The following LIMCH1 variants were observed in gnomAD, a reference collection of about 807,000 sequenced individuals.
LIMCH1 encodes the protein LIM and calponin homology domains-containing protein 1.
A neutral mutation model predicts 176.5 loss-of-function variants in LIMCH1; 113 were observed. The observed-to-expected ratio is 0.64, with a 90% CI of 0.55 to 0.75. LIMCH1 has a LOEUF of 0.75. LIMCH1 is among the 30% of genes least tolerant of loss of function. The pLI, the probability that LIMCH1 is intolerant of heterozygous loss-of-function variation, is 0.00. For missense variants in LIMCH1, 1,674 were observed against 1,814.9 expected, an observed-to-expected ratio of 0.92 and a Z score of 1.41; for synonymous variants, 619 against 645.9, an observed-to-expected ratio of 0.96 and a Z score of 0.63.
chr4:41,383,680 A>T (rs1232145804), intron 1 of LIMCH1, among the ~76,000 whole-genome samples: 2 of 152,200 alleles, frequency 1.3e-5, no homozygotes, highest in African/African-American at 2.4e-5. Context: ...TTGTTTAATT[A>T]CTATGACCAG....
Position 41,633,444 on chromosome 4 carries a change from G to C in LIMCH1, c.1830-104G>C, listed in dbSNP as rs147287848. 13 of 1,372,124 alleles carry C rather than the reference G, an allele frequency of 9.5e-6. No individual in the cohort carries two copies. The East Asian group carries it at 3.0e-4, about 32-fold the overall frequency. The allele number at this position is 1,372,124 out of a possible 1,614,324, so 85.0% of individuals were successfully genotyped here. On this transcript the variant is annotated intron_variant, in intron 12 of 31. Coordinates refer to ENST00000503057, the MANE Select transcript of LIMCH1 (RefSeq NM_001330672.2). ...TGCTCTGTGTGCCGCTGCCTCCAGG[G>C]ATGCTGGCTTCTTCTGTCTTGAATT...
At chr4:41,550,772 C>T (rs1386258404) in intron 1 of LIMCH1, among the ~76,000 whole-genome samples, 2 of 152,032 alleles carry the variant, frequency 1.3e-5, no homozygotes, top group Non-Finnish European at 2.9e-5. Context: ...TTAATTGGTA[C>T]TCCTTCTTAT....
At chr4:41,678,026 G>C (rs1712380213) in intron 23 of LIMCH1, among the ~76,000 whole-genome samples, 1 of 151,928 alleles carries the variant, frequency 6.6e-6, no homozygotes, top group Non-Finnish European at 1.5e-5. Context: ...ATGGTGGTTT[G>C]CTGCACCCAC....
chr4:41,595,134 A>G (rs2088499433), intron 1 of LIMCH1, among the ~76,000 whole-genome samples: 1 of 152,150 alleles, frequency 6.6e-6, no homozygotes, highest in Non-Finnish European at 1.5e-5. Context: ...GTGTTTTTGA[A>G]TGTGGTATCC....
rs780080890 is a variant in LIMCH1 at position 41,619,223 on chromosome 4, C to T, written c.241C>T (p.Arg81Trp). The change falls in exon 6 of 32, where the codon CGG becomes TGG. Residue 81 changes from arginine to tryptophan, a missense_variant. Arg to Trp is a moderately radical substitution (Grantham distance 101). Coordinates refer to ENST00000503057, the MANE Select transcript of LIMCH1 (RefSeq NM_001330672.2). ...CGACTCTGAATCCGACTTGCCTCAT[C>T]GGAAGCTGCCAGATGTGAAGAAGGA... ...GSDSESDLPH[R>W]KLPDVKKDDM... The T allele has an allele frequency of 3.7e-6, 6 of 1,614,182 alleles. No individual in the cohort carries two copies. Among genetic ancestry groups the T allele is most frequent in the South Asian group, 1.1e-5 (1 of 91,084 alleles).
intron 2 of LIMCH1, among the ~76,000 whole-genome samples, chr4:41,506,321 T>C (rs2074152079): frequency 6.6e-6 from 1 of 152,204 alleles, no homozygotes; most frequent in African/African-American, 2.4e-5. Flanking sequence ...TGTCATGATT[T>C]CAGCATGAGA....
chr4:41,689,124 C>A (rs570996348), intron 29 of LIMCH1, among the ~76,000 whole-genome samples: 1 of 152,098 alleles, frequency 6.6e-6, no homozygotes, highest in African/African-American at 2.4e-5. Flanking sequence ...ACCAGTGAAC[C>A]ACTTATGGGA....
chr4:41,622,688 T>C (rs748081095), intron 7 of LIMCH1, among the ~76,000 whole-genome samples: 45 of 152,350 alleles, frequency 3.0e-4, no homozygotes, highest in Non-Finnish European at 8.8e-5. Context: ...CCATTCACTG[T>C]ACAAACATCA....
chr4:41,388,147 T>C (rs977700274), intron 1 of LIMCH1, among the ~76,000 whole-genome samples: 1 of 152,168 alleles, frequency 6.6e-6, no homozygotes, highest in African/African-American at 2.4e-5. Context: ...AATTCTACTT[T>C]TAGGTAGCTA....
intron 1 of LIMCH1, among the ~76,000 whole-genome samples, chr4:41,416,884 T>C (rs1372873331): frequency 6.6e-6 from 1 of 152,048 alleles, no homozygotes; most frequent in Admixed American, 6.6e-5. Flanking sequence ...CAGAAAGAAA[T>C]AGGGACTTAC....
rs998636482 is a variant in LIMCH1, at chr4:41,489,964, G to T, written c.97-4572G>T. On this transcript the variant is annotated intron_variant, in intron 1 of 26. Transcript: ENST00000313860. Reference sequence around the variant, plus strand: ...TACTCTTTTAATAAAGTAAGCTAGAGAAAAAATGTTATTAAAAATCATAAG... The same window carrying T: ...TACTCTTTTAATAAAGTAAGCTAGATAAAAAATGTTATTAAAAATCATAAG... Among the ~76,000 whole-genome samples the T allele has an allele frequency of 5.3e-5, 8 of 152,136 alleles. No individual in the cohort carries two copies. The East Asian group carries it at 1.5e-3, about 29-fold the overall frequency.
chr4:41,416,796 A>C lies in LIMCH1; in HGVS notation c.96+55860A>C, dbSNP rs562442132. Among the ~76,000 whole-genome samples, 3 of 152,310 alleles carry C rather than the reference A, an allele frequency of 2.0e-5. No homozygotes were observed. The East Asian group carries it at 5.8e-4, about 29-fold the overall frequency. On this transcript the variant is annotated intron_variant, in intron 1 of 26. Coordinates refer to the LIMCH1 transcript ENST00000313860. ...ATTATGTGCTGTTCTACTGTGAATGAACTGGTCTAGGCAAACCTATCCCCA... is the reference window on the plus strand; with the variant it reads ...ATTATGTGCTGTTCTACTGTGAATGCACTGGTCTAGGCAAACCTATCCCCA...
At chr4:41,651,056 G>A (rs908925046) in intron 18 of LIMCH1, among the ~76,000 whole-genome samples, 3 of 145,858 alleles carry the variant, frequency 2.1e-5, no homozygotes, top group African/African-American at 7.7e-5. Context: ...GCCTAGGCTG[G>A]AGTGTAATGG....
At chr4:41,588,486 G>T (rs2086887264) in intron 1 of LIMCH1, among the ~76,000 whole-genome samples, 3 of 152,268 alleles carry the variant, frequency 2.0e-5, no homozygotes, top group African/African-American at 7.2e-5. Context: ...GCAGCTCCAG[G>T]CCCAATCATG....
intron 1 of LIMCH1, among the ~76,000 whole-genome samples, chr4:41,560,000 G>T (rs1000249132): frequency 6.6e-6 from 1 of 152,106 alleles, no homozygotes; most frequent in Admixed American, 6.5e-5. Context: ...TTATTTCCAA[G>T]TACTACCTAG....
At chr4:41,599,686 A>T (rs1561877607) in intron 2 of LIMCH1, among the ~76,000 whole-genome samples, 1 of 152,252 alleles carries the variant, frequency 6.6e-6, no homozygotes, top group East Asian at 1.9e-4. Flanking sequence ...GATCCTACTG[A>T]TTTCATATAA....
rs137958093 is a variant in LIMCH1 at position 41,429,572 on chromosome 4, T to C, written c.97-64964T>C. ...TGTGGTAAGCACAGTATTCTCAGATTTGAACCTATAAAGAATTATGGAAAA... is the reference window on the plus strand; with the variant it reads ...TGTGGTAAGCACAGTATTCTCAGATCTGAACCTATAAAGAATTATGGAAAA... On this transcript the variant is annotated intron_variant, in intron 1 of 26. Transcript: ENST00000313860. 2.1e-3 allele frequency among the ~76,000 whole-genome samples: 323 copies of C among 152,322 alleles called. 1 individual carries two copies. Among genetic ancestry groups the C allele is most frequent in the African/African-American group, 7.0e-3 (291 of 41,584 alleles).
At chr4:41,473,417 T>C (rs1286263277) in intron 1 of LIMCH1, among the ~76,000 whole-genome samples, 1 of 152,182 alleles carries the variant, frequency 6.6e-6, no homozygotes, top group Non-Finnish European at 1.5e-5. Flanking sequence ...TTTCTCTCTT[T>C]TACAAACAAC....
chr4:41,653,645 T>C (rs1019371345), intron 18 of LIMCH1, among the ~76,000 whole-genome samples: 6 of 152,144 alleles, frequency 3.9e-5, no homozygotes, highest in Non-Finnish European at 4.4e-5. Flanking sequence ...GCAGCAGCAG[T>C]AGGCAGGAGC....
Sources: gnomAD v4.1 joint callset for allele counts (sites outside exome capture counted in the v4.1 genomes callset) on GRCh38, gnomAD v4.1.1 for gene constraint, MANE v1.5 for transcripts, NCBI Gene and HGNC (gene_info 2026-07-23, HGNC 2026-07-21) for gene names.